RXFP1: variants seen among roughly 807,000 people sequenced by gnomAD.
RXFP1 encodes relaxin family peptide receptor 1, also known as relaxin receptor 1.
RXFP1 carries 73 observed loss-of-function variants against 89.8 expected under a neutral mutation model. The ratio of observed to expected loss-of-function variants is 0.81; its 90% CI spans 0.67 to 0.99. RXFP1 has a LOEUF of 0.99. Among genes scored for constraint, RXFP1 ranks in the 50% least tolerant of loss-of-function variants. The pLI, the probability that RXFP1 is intolerant of heterozygous loss-of-function variation, is 0.00. For synonymous variants in RXFP1, 277 were observed against 305.5 expected, an observed-to-expected ratio of 0.91 and a Z score of 0.97; for missense variants, 793 against 895.5, an observed-to-expected ratio of 0.89 and a Z score of 1.46.
At chr4:158,534,322 A>G (rs1024266076) in intron 1 of RXFP1, among the ~76,000 whole-genome samples, 1 of 147,900 alleles carries the variant, frequency 6.8e-6, no homozygotes. Flanking sequence ...ATCTCTGCTC[A>G]TTGCAACCTC....
At chr4:158,551,612 A>T (rs1750143443) in intron 1 of RXFP1, among the ~76,000 whole-genome samples, 1 of 152,194 alleles carries the variant, frequency 6.6e-6, no homozygotes, top group South Asian at 2.1e-4. Context: ...TACACCATAA[A>T]TATGTACAAC....
chr4:158,546,498 A>G (rs576245123), intron 1 of RXFP1, among the ~76,000 whole-genome samples: 23 of 152,200 alleles, frequency 1.5e-4, no homozygotes, highest in Non-Finnish European at 2.2e-4. Flanking sequence ...TTGAATAGGA[A>G]TGGTGAGAGA....
intron 1 of RXFP1, among the ~76,000 whole-genome samples, chr4:158,555,231 G>A (rs72693354): frequency 0.035 from 5,288 of 152,222 alleles, 130 homozygotes; most frequent in Middle Eastern, 0.061. Context: ...ATCTGTAAGA[G>A]AGTAAAAAAC....
intron 12 of RXFP1, among the ~76,000 whole-genome samples, chr4:158,634,725 A>T (rs1403789552): frequency 1.1e-4 from 17 of 152,130 alleles, no homozygotes; most frequent in Middle Eastern, 3.2e-3. Context: ...TAAGGTAAGG[A>T]TCCAACTTCA....
intron 1 of RXFP1, among the ~76,000 whole-genome samples, chr4:158,568,113 G>A (rs1290490570): frequency 6.6e-6 from 1 of 152,106 alleles, no homozygotes; most frequent in East Asian, 1.9e-4. Context: ...AAGGCCTTCA[G>A]CTTCACTCCT....
chr4:158,618,245 C>T (rs1336239452), intron 9 of RXFP1, among the ~76,000 whole-genome samples: 1 of 152,050 alleles, frequency 6.6e-6, no homozygotes, highest in Non-Finnish European at 1.5e-5. Flanking sequence ...GTAATCCCAA[C>T]TTAGTAATTA....
intron 2 of RXFP1, among the ~76,000 whole-genome samples, chr4:158,579,257 A>G (rs1454615769): frequency 2.0e-5 from 3 of 151,918 alleles, no homozygotes; most frequent in African/African-American, 7.3e-5. Context: ...GTGAGAGAAC[A>G]AACTTCTCTT....
rs565983062 is a variant in RXFP1, at chr4:158,554,271, C to T, written c.50-18427C>T. Among the ~76,000 whole-genome samples, 66 of 152,140 alleles carry T rather than the reference C, an allele frequency of 4.3e-4. 1 individual carries two copies. The South Asian group carries it at 4.4e-3, about 10-fold the overall frequency. The stretch of plus-strand genomic sequence containing the variant: ...ACACTCTTGAATTATCTGTAAATAA[C>T]GTCAGAGTTTTTTTTTATTATTAAA... On this transcript the variant is annotated intron_variant, in intron 1 of 17. Coordinates refer to ENST00000307765, the MANE Select transcript of RXFP1 (RefSeq NM_021634.4).
chr4:158,549,467 C>T (rs1046147435), intron 1 of RXFP1, among the ~76,000 whole-genome samples: 9 of 152,200 alleles, frequency 5.9e-5, no homozygotes, highest in South Asian at 2.1e-4. Context: ...ACTCATTTTC[C>T]GTCCGGCTTT....
Position 158,531,027 on chromosome 4 carries a change from A to G in RXFP1, c.49+9002A>G, listed in dbSNP as rs112976919. On this transcript the variant is annotated intron_variant, in intron 1 of 17. Transcript: ENST00000307765. ...GCTCCACGCCCTCTTCTGTTCTTCA[A>G]TCCCCTAGAGGCTTTGAGTCTTTTT... 3.2e-3 allele frequency among the ~76,000 whole-genome samples: 481 copies of G among 152,154 alleles called. 4 individuals are homozygous for G. Among genetic ancestry groups the G allele is most frequent in the African/African-American group, 0.011 (450 of 41,524 alleles).
At chr4:158,595,808 A>G (rs2150076346) in intron 3 of RXFP1, among the ~76,000 whole-genome samples, 1 of 152,324 alleles carries the variant, frequency 6.6e-6, no homozygotes, top group Middle Eastern at 3.4e-3. Flanking sequence ...CTGTCTCAGC[A>G]TCATGCCATT....
chr4:158,551,731 G>A (rs2149892981), intron 1 of RXFP1, among the ~76,000 whole-genome samples: 1 of 152,232 alleles, frequency 6.6e-6, no homozygotes, highest in East Asian at 1.9e-4. Flanking sequence ...CTTGATCCCA[G>A]GAATTCGAGA....
chr4:158,643,831 A>G lies in RXFP1; in HGVS notation c.1116-1078A>G, dbSNP rs563998945. On this transcript the variant is annotated intron_variant, in intron 14 of 17. Coordinates refer to ENST00000307765, the MANE Select transcript of RXFP1 (RefSeq NM_021634.4). Reference sequence around the variant, plus strand: ...CCCCATATTGTTCTCCGTTCTCCATAGTGCCTATACTAATTTACATTCCCG... The same window carrying G: ...CCCCATATTGTTCTCCGTTCTCCATGGTGCCTATACTAATTTACATTCCCG... 2.0e-5 allele frequency among the ~76,000 whole-genome samples: 3 copies of G among 152,110 alleles called. No individual in the cohort carries two copies. In the South Asian group the frequency reaches 6.2e-4, roughly 32 times the overall value.
chr4:158,524,022 G>C (rs2149766721), intron 1 of RXFP1, among the ~76,000 whole-genome samples: 1 of 152,308 alleles, frequency 6.6e-6, no homozygotes, highest in Admixed American at 6.5e-5. Flanking sequence ...GTGGTTTTCA[G>C]CAAATGATTT....
At chr4:158,527,008 C>T (rs1742666068) in intron 1 of RXFP1, among the ~76,000 whole-genome samples, 1 of 152,156 alleles carries the variant, frequency 6.6e-6, no homozygotes. Flanking sequence ...GTCTCCTTAG[C>T]TCCTGTTTCC....
At position 158,646,986 on chromosome 4, in the gene RXFP1, T is replaced by A. The variant is rs1343957670; in HGVS notation, c.1541T>A (p.Ile514Asn). 6.2e-7 allele frequency: 1 copy of A among 1,614,078 alleles called. No homozygotes were observed. Among genetic ancestry groups the A allele is most frequent in the East Asian group, 2.2e-5 (1 of 44,870 alleles). ...CTGACATTGGAAAAATACATCTGCA[T>A]TGTCTATCCTTTTAGATGTGTGAGA... Reference protein sequence around the residue: ...TFLTLEKYICIVYPFRCVRPG... With the variant: ...TFLTLEKYICNVYPFRCVRPG... The change falls in exon 16 of 18, where the codon ATT becomes AAT. Residue 514 changes from isoleucine (I) to asparagine (N), a missense_variant. Physicochemically the swap from Ile to Asn is moderately radical, Grantham distance 149. Transcript: ENST00000307765.
chr4:158,637,867 C>A, intron 12 of RXFP1, 141 bp from the exon 13 acceptor site: 1 of 582,570 alleles, frequency 1.7e-6, no homozygotes. Flanking sequence ...TATAATTTTA[C>A]AGTTTAAGTC....
chr4:158,601,296 T>G (rs1481852676), intron 4 of RXFP1, among the ~76,000 whole-genome samples: 3 of 152,072 alleles, frequency 2.0e-5, no homozygotes, highest in Non-Finnish European at 4.4e-5. Context: ...CAGAGATGAC[T>G]CCAAGGTTTC....
chr4:158,527,576 T>TATATATATAG lies in RXFP1; in HGVS notation c.49+5553_49+5554insATATATAGAT, dbSNP rs1177712878. ...CCAAAAAAAAAAAAATATATATATATATGTATATATATACTGTTGCCTCCT... is the reference window on the plus strand; with the variant it reads ...CCAAAAAAAAAAAAATATATATATATATATATATAGATGTATATATATACTGTTGCCTCCT... On this transcript the variant is annotated intron_variant, in intron 1 of 17. Transcript: ENST00000307765. Among the ~76,000 whole-genome samples, 15 of 144,872 alleles carry TATATATATAG rather than the reference T, an allele frequency of 1.0e-4. No homozygotes were observed. In the East Asian group the frequency reaches 3.0e-3, roughly 29 times the overall value.
Sources: allele counts gnomAD v4.1 joint callset (sites outside exome capture counted in the v4.1 genomes callset), GRCh38; gene constraint gnomAD v4.1.1; transcripts MANE v1.5; gene names NCBI Gene and HGNC (gene_info 2026-07-23, HGNC 2026-07-21).